Variants in ADGRF1 observed in about 807,000 individuals in gnomAD.
The protein encoded by ADGRF1 is adhesion G protein-coupled receptor F1.
Under a neutral mutation model 87.2 loss-of-function variants are expected in ADGRF1, and 85 were observed. The ratio of observed to expected loss-of-function variants is 0.97; its 90% CI spans 0.82 to 1.17. The LOEUF is 1.17. Among genes scored for constraint, ADGRF1 ranks in the 50% most tolerant of loss-of-function variants. The pLI is 0.00. For missense variants in ADGRF1, 1,169 were observed against 1,077.2 expected (o/e 1.09, Z -1.19); for synonymous variants, 430 against 408.8 (o/e 1.05, Z -0.63).
chr6:47,032,650 C>T (rs1471705268), intron 1 of ADGRF1, among the ~76,000 whole-genome samples: 2 of 152,154 alleles, frequency 1.3e-5, no homozygotes, highest in Admixed American at 1.3e-4. Context: ...TTGGTTTAGT[C>T]ATCAAGAATA....
intron 11 of ADGRF1, among the ~76,000 whole-genome samples, chr6:47,008,615 G>A (rs1027113740): frequency 3.9e-5 from 6 of 152,170 alleles, no homozygotes; most frequent in Admixed American, 3.9e-4. Context: ...TACTTATGAT[G>A]TATTTCCCTT....
chr6:47,014,910 T>G, intron 8 of ADGRF1, 66 bp from the exon 9 acceptor site: 1 of 1,467,414 alleles, frequency 6.8e-7, no homozygotes, highest in Non-Finnish European at 9.0e-7. Context: ...ATATAAACCA[T>G]GTAGTCATGT....
intron 1 of ADGRF1, among the ~76,000 whole-genome samples, chr6:47,041,446 A>G (rs771197474): frequency 9.9e-5 from 15 of 152,212 alleles, no homozygotes; most frequent in Admixed American, 3.3e-4. Flanking sequence ...CCTTCTTTCT[A>G]TATCTCCTTC....
Position 47,042,216 on chromosome 6 carries a change from A to G in ADGRF1, c.-69T>C, listed in dbSNP as rs1435416259. The G allele has an allele frequency of 1.3e-5, 2 of 152,192 alleles. No individual in the cohort carries two copies. Among genetic ancestry groups the G allele is most frequent in the Non-Finnish European group, 2.9e-5 (2 of 68,044 alleles). 9.4% of individuals were successfully genotyped at this position (152,192 alleles called of 1,614,324 possible). On this transcript the variant is annotated 5_prime_UTR_variant, in exon 1 of 15. Transcript: ENST00000371253. Reference sequence around the variant, plus strand: ...CTGGTGATTTATCTCTTCACACCAGAACTCGAGGGAGCCCTTCCTTCAGTA... The same window carrying G: ...CTGGTGATTTATCTCTTCACACCAGGACTCGAGGGAGCCCTTCCTTCAGTA...
chr6:47,033,259 T>C (rs1042173894), intron 1 of ADGRF1, among the ~76,000 whole-genome samples: 1 of 152,244 alleles, frequency 6.6e-6, no homozygotes, highest in Non-Finnish European at 1.5e-5. Flanking sequence ...ATTCATTCAG[T>C]GAATTCATTC....
intron 2 of ADGRF1, 46 bp from the exon 3 acceptor site, chr6:47,027,807 G>A: frequency 8.8e-7 from 1 of 1,134,080 alleles, no homozygotes; most frequent in Non-Finnish European, 1.3e-6. Flanking sequence ...TTGAAGAGTT[G>A]TGCTTCATAA....
chr6:47,040,396 C>G (rs985667566), intron 1 of ADGRF1, among the ~76,000 whole-genome samples: 1 of 151,908 alleles, frequency 6.6e-6, no homozygotes, highest in Non-Finnish European at 1.5e-5. Context: ...GGCGTGAACC[C>G]GGGAGGTGGA....
chr6:47,020,250 T>C (rs949506596), intron 7 of ADGRF1: 19 of 1,280,434 alleles, frequency 1.5e-5, no homozygotes, highest in Non-Finnish European at 1.9e-5. Context: ...TCCCAGCACT[T>C]TGGGGGCCGA....
Position 46,998,584 on chromosome 6 carries a change from C to G in ADGRF1, c.*1638G>C, listed in dbSNP as rs1042640800. ...CCGGAGCTGTGGCCACAATTCTAGG[C>G]AAGAATCAGACTTCCATCAGCCATG... is the stretch of plus-strand genomic sequence containing the variant. On this transcript the variant is annotated 3_prime_UTR_variant, in exon 15 of 15. Coordinates refer to ENST00000371253, the MANE Select transcript of ADGRF1 (RefSeq NM_153840.4). The G allele has an allele frequency of 1.3e-5, 2 of 152,246 alleles. No individual in the cohort carries two copies. Among genetic ancestry groups the G allele is most frequent in the African/African-American group, 4.8e-5 (2 of 41,438 alleles). 9.4% of individuals were successfully genotyped at this position (152,246 alleles called of 1,614,324 possible). A position where few individuals can be genotyped will look rare whatever the true frequency, so the allele number is the denominator to read the frequency against.
At chr6:47,026,299 C>T (rs539827428) in intron 3 of ADGRF1, among the ~76,000 whole-genome samples, 20 of 152,214 alleles carry the variant, frequency 1.3e-4, no homozygotes, top group African/African-American at 4.8e-4. Context: ...TTCCTCAGGG[C>T]ACACCCAGAG....
chr6:47,015,415 A>AT (rs574535696), intron 8 of ADGRF1, among the ~76,000 whole-genome samples: 16,980 of 145,554 alleles, frequency 0.12, 2,215 homozygotes, highest in African/African-American at 0.31. Flanking sequence ...AAGGGCTATG[A>AT]TTTTTTTTTT....
intron 1 of ADGRF1, among the ~76,000 whole-genome samples, chr6:47,030,435 C>T (rs969300960): frequency 6.6e-6 from 1 of 152,152 alleles, no homozygotes; most frequent in African/African-American, 2.4e-5. Flanking sequence ...TGTTTCCCCA[C>T]AGCTTATCTG....
chr6:47,020,188 T>C (rs796541587), intron 7 of ADGRF1: 20 of 1,183,774 alleles, frequency 1.7e-5, no homozygotes, highest in African/African-American at 1.3e-4. Context: ...GTTTTGAGAA[T>C]GCTTTCCAAT....
intron 10 of ADGRF1, among the ~76,000 whole-genome samples, 173 bp downstream of exon 10, chr6:47,011,834 C>G (rs1779715872): frequency 6.6e-6 from 1 of 152,212 alleles, no homozygotes; most frequent in African/African-American, 2.4e-5. Flanking sequence ...CCTTTGAACA[C>G]ACACTATTGA....
chr6:47,036,595 G>A (rs893038832), intron 1 of ADGRF1, among the ~76,000 whole-genome samples: 2 of 152,108 alleles, frequency 1.3e-5, no homozygotes, highest in Non-Finnish European at 2.9e-5. Flanking sequence ...TGGGTGATCT[G>A]TTTTAAATAG....
rs1779721817 is a variant in ADGRF1 at position 47,012,014 on chromosome 6, G to T, written c.1109C>A (p.Thr370Lys). 1 of 1,613,310 alleles carries T rather than the reference G, an allele frequency of 6.2e-7. No homozygotes were observed. The highest frequency in any genetic ancestry group is 8.5e-7 in the Non-Finnish European group (1 of 1,179,428). Residue 370 changes from threonine (T) to lysine (K), a missense_variant, in exon 10 of 15, where the codon ACA becomes AAA. Physicochemically the swap from Thr to Lys is moderately conservative, Grantham distance 78 (BLOSUM62 -1). Transcript: ENST00000371253. ...LASHFRVSNS[T>K]MEDVISIADN... The stretch of plus-strand genomic sequence containing the variant: ...AGCACAGGCAGACCATACCTCCATT[G>T]TTGAATTGGACACCCTGAAATGGCT...
At chr6:47,011,584 G>A (rs1394401933) in intron 10 of ADGRF1, among the ~76,000 whole-genome samples, 1 of 152,156 alleles carries the variant, frequency 6.6e-6, no homozygotes, top group Non-Finnish European at 1.5e-5. Context: ...TATCATTTAT[G>A]TAATTTGTAA....
chr6:47,012,600 G>A (rs1048515733), intron 9 of ADGRF1: 1 of 910,890 alleles, frequency 1.1e-6, no homozygotes, highest in Non-Finnish European at 1.3e-6. Flanking sequence ...GAGATTTAAT[G>A]ACCTTCCAAA....
intron 7 of ADGRF1, 83 bp downstream of exon 7, chr6:47,020,648 G>T: frequency 1.3e-6 from 2 of 1,586,894 alleles, no homozygotes; most frequent in Non-Finnish European, 1.7e-6. Context: ...TTCTGTCAGG[G>T]TCACCTAAAA....
Sources: allele counts gnomAD v4.1 joint callset (sites outside exome capture counted in the v4.1 genomes callset), GRCh38; gene constraint gnomAD v4.1.1; transcripts MANE v1.5; gene names NCBI Gene and HGNC (gene_info 2026-07-23, HGNC 2026-07-21).